The following STPG2 variants were observed in gnomAD, a reference collection of about 807,000 sequenced individuals.
The protein encoded by STPG2 is sperm tail PG-rich repeat containing 2.
A neutral mutation model predicts 54.2 loss-of-function variants in STPG2; 56 were observed. The observed-to-expected ratio is 1.03, with a 90% CI of 0.83 to 1.29. The LOEUF (loss-of-function observed/expected upper bound fraction) is 1.29, where lower values mean the gene tolerates loss of function less well. Ranked by LOEUF, STPG2 falls within the 50% of genes most tolerant of loss-of-function variation. The pLI, the probability that STPG2 is intolerant of heterozygous loss-of-function variation, is 0.00. For missense variants in STPG2, 596 were observed against 544.9 expected, an observed-to-expected ratio of 1.09 and a Z score of -0.93; for synonymous variants, 200 against 181.8, an observed-to-expected ratio of 1.10 and a Z score of -0.81.
intron 4 of STPG2, among the ~76,000 whole-genome samples, chr4:97,517,759 A>C (rs532612697): frequency 5.3e-5 from 8 of 152,218 alleles, no homozygotes; most frequent in Admixed American, 2.6e-4. Flanking sequence ...TACTAAATCC[A>C]TTCCTATTAA....
chr4:97,997,336 G>C (rs944035964), intron 5 of STPG2, among the ~76,000 whole-genome samples: 1 of 152,148 alleles, frequency 6.6e-6, no homozygotes, highest in Non-Finnish European at 1.5e-5. Flanking sequence ...CTGCTTTTAA[G>C]GAGGACTCTG....
At chr4:97,461,895 T>G (rs1578318004) in intron 4 of STPG2, among the ~76,000 whole-genome samples, 1 of 152,220 alleles carries the variant, frequency 6.6e-6, no homozygotes, top group Non-Finnish European at 1.5e-5. Context: ...CTCTGTGTCA[T>G]GCCCTTCCAT....
intron 3 of STPG2, among the ~76,000 whole-genome samples, chr4:98,116,252 C>CA (rs11373933): frequency 0.26 from 38,571 of 146,932 alleles, 4,976 homozygotes; most frequent in Middle Eastern, 0.3. Flanking sequence ...TATTCTGAAA[C>CA]AAAAAAAAAA....
chr4:98,090,514 G>T (rs964398428), intron 5 of STPG2, among the ~76,000 whole-genome samples: 1 of 151,848 alleles, frequency 6.6e-6, no homozygotes, highest in Non-Finnish European at 1.5e-5. Context: ...TGTTCTTTTT[G>T]CTTAGTATTG....
intron 10 of STPG2, among the ~76,000 whole-genome samples, chr4:97,656,291 C>T (rs1722216811): frequency 6.6e-6 from 1 of 152,132 alleles, no homozygotes; most frequent in South Asian, 2.1e-4. Context: ...ATTCACATTT[C>T]TTTCCCTGTG....
intron 8 of STPG2, among the ~76,000 whole-genome samples, chr4:97,878,526 G>A (rs761077282): frequency 6.6e-6 from 1 of 152,160 alleles, no homozygotes; most frequent in Non-Finnish European, 1.5e-5. Context: ...CCAAGGCTTG[G>A]AGCATGCACC....
At chr4:97,528,929 G>A (rs1353931971) in intron 4 of STPG2, among the ~76,000 whole-genome samples, 3 of 152,268 alleles carry the variant, frequency 2.0e-5, no homozygotes, top group East Asian at 3.9e-4. Context: ...CATCTGCAAA[G>A]AGAGACAATC....
At chr4:98,105,814 ATACT>A in intron 5 of STPG2, 135 bp downstream of exon 5, 1 of 712,602 alleles carries the variant, frequency 1.4e-6, no homozygotes, top group East Asian at 3.6e-5. Context: ...GAAATAATAA[ATACT>A]TCCTTCTACA....
At chr4:97,782,495 G>T (rs183728005) in intron 9 of STPG2, among the ~76,000 whole-genome samples, 2 of 151,156 alleles carry the variant, frequency 1.3e-5, no homozygotes, top group Non-Finnish European at 3.0e-5. Flanking sequence ...TGAAAATGGC[G>T]ATACTGACCA....
chr4:97,856,335 A>T (rs6532703), intron 8 of STPG2, among the ~76,000 whole-genome samples: 103,185 of 151,972 alleles, frequency 0.68, 36,505 homozygotes, highest in African/African-American at 0.9. Context: ...CCTCTCTTAT[A>T]TGAGCAGTGA....
Position 98,059,081 on chromosome 4 carries a change from A to C in STPG2, c.612+46872T>G, listed in dbSNP as rs140230042. Among the ~76,000 whole-genome samples the C allele has an allele frequency of 1.1e-4, 17 of 151,218 alleles. No individual in the cohort carries two copies. The East Asian group carries it at 2.1e-3, about 18-fold the overall frequency. The stretch of plus-strand genomic sequence containing the variant: ...CTTGTTTTTTTTGAAAAAATTAGTA[A>C]GATAGATAGGCCGCTAGCTAGACTA... On this transcript the variant is annotated intron_variant, in intron 5 of 10. Coordinates refer to ENST00000295268, the MANE Select transcript of STPG2 (RefSeq NM_174952.3).
intron 10 of STPG2, among the ~76,000 whole-genome samples, chr4:97,576,202 A>G (rs1464268529): frequency 1.3e-5 from 2 of 151,846 alleles, no homozygotes; most frequent in Admixed American, 1.3e-4. Flanking sequence ...CAATTTACAG[A>G]TTCAATGATA....
At chr4:97,949,982 A>G (rs1733405382) in intron 7 of STPG2, among the ~76,000 whole-genome samples, 1 of 152,052 alleles carries the variant, frequency 6.6e-6, no homozygotes, top group Non-Finnish European at 1.5e-5. Context: ...AGTTTTCCTC[A>G]ATTTCCTCAA....
chr4:98,022,387 A>G (rs897215575), intron 5 of STPG2, among the ~76,000 whole-genome samples: 8 of 152,102 alleles, frequency 5.3e-5, no homozygotes, highest in East Asian at 3.9e-4. Flanking sequence ...CAAGAGATCC[A>G]CTGTTAGTCT....
At chr4:97,672,252 C>A (rs577437417) in intron 10 of STPG2, among the ~76,000 whole-genome samples, 13 of 140,466 alleles carry the variant, frequency 9.3e-5, no homozygotes, top group Non-Finnish European at 1.6e-4. Context: ...TGGCTAACTG[C>A]AACCTCTGCC....
intron 5 of STPG2, among the ~76,000 whole-genome samples, chr4:98,011,623 T>C (rs1251813820): frequency 1.3e-5 from 2 of 152,186 alleles, no homozygotes; most frequent in Non-Finnish European, 2.9e-5. Context: ...CCACCATCTG[T>C]TGTTTCTTGA....
intron 10 of STPG2, among the ~76,000 whole-genome samples, chr4:97,616,338 A>C (rs1009533067): frequency 2.6e-5 from 4 of 151,784 alleles, no homozygotes; most frequent in Non-Finnish European, 4.4e-5. Flanking sequence ...CAAGGAAAGA[A>C]TGGGATCAAT....
chr4:97,738,337 A>T (rs1214098297), intron 9 of STPG2, among the ~76,000 whole-genome samples: 1 of 152,228 alleles, frequency 6.6e-6, no homozygotes, highest in Admixed American at 6.5e-5. Context: ...CATTAAAATG[A>T]CAGGATCAAA....
At chr4:97,739,690 A>G (rs1229569946) in intron 9 of STPG2, among the ~76,000 whole-genome samples, 1 of 152,224 alleles carries the variant, frequency 6.6e-6, no homozygotes, top group Non-Finnish European at 1.5e-5. Context: ...TGAATAGACC[A>G]ATAACAGGCT....
Sources: gnomAD v4.1 joint callset for allele counts (sites outside exome capture counted in the v4.1 genomes callset) on GRCh38, gnomAD v4.1.1 for gene constraint, MANE v1.5 for transcripts, NCBI Gene and HGNC (gene_info 2026-07-23, HGNC 2026-07-21) for gene names.